PKHD1: variants seen among roughly 807,000 people sequenced by gnomAD.
The protein encoded by PKHD1 is fibrocystin.
PKHD1 carries 291 observed loss-of-function variants against 412.0 expected under a neutral mutation model. The ratio of observed to expected loss-of-function variants is 0.71; its 90% confidence interval spans 0.64 to 0.78. The LOEUF is 0.78. Ranked by LOEUF, PKHD1 falls within the 30% of genes least tolerant of loss-of-function variation. The probability of loss-of-function intolerance (pLI) is 0.00; values close to 1 mark genes in which losing one functional copy is unlikely to be tolerated. For missense variants in PKHD1, 4,825 were observed against 4,950.7 expected, an observed-to-expected ratio of 0.97 and a Z score of 0.76; for synonymous variants, 1,777 against 1,821.5, an observed-to-expected ratio of 0.98 and a Z score of 0.62.
chr6:51,642,590 G>A (rs1218998632), intron 63 of PKHD1, among the ~76,000 whole-genome samples: 2 of 151,986 alleles, frequency 1.3e-5, no homozygotes, highest in African/African-American at 2.4e-5. Context: ...CTGTAATCCC[G>A]ACACTTTGGG....
At chr6:51,661,635 A>G (rs1772889804) in intron 60 of PKHD1, among the ~76,000 whole-genome samples, 1 of 151,202 alleles carries the variant, frequency 6.6e-6, no homozygotes, top group Non-Finnish European at 1.5e-5. Flanking sequence ...TAAAACATTT[A>G]AAGGAACAGC....
chr6:51,620,691 T>A (rs1209787709), intron 66 of PKHD1, among the ~76,000 whole-genome samples: 1 of 151,312 alleles, frequency 6.6e-6, no homozygotes, highest in East Asian at 1.9e-4. Flanking sequence ...ATTCATACTA[T>A]AAGAGACAGT....
intron 37 of PKHD1, among the ~76,000 whole-genome samples, chr6:51,928,169 C>A (rs1289433885): frequency 6.6e-6 from 1 of 152,102 alleles, no homozygotes; most frequent in Non-Finnish European, 1.5e-5. Context: ...ATCCCAAGTG[C>A]CTCAAGTTGA....
intron 52 of PKHD1, among the ~76,000 whole-genome samples, chr6:51,796,726 T>C (rs934950551): frequency 6.6e-6 from 1 of 152,166 alleles, no homozygotes; most frequent in African/African-American, 2.4e-5. Context: ...CAAATAACTC[T>C]TTGATTTCTG....
At chr6:51,797,162 T>C (rs755386255) in intron 52 of PKHD1, among the ~76,000 whole-genome samples, 5 of 152,176 alleles carry the variant, frequency 3.3e-5, no homozygotes, top group Non-Finnish European at 7.4e-5. Flanking sequence ...TGCTGTGCTA[T>C]GAGAGACTGT....
intron 34 of PKHD1, among the ~76,000 whole-genome samples, chr6:52,015,793 C>T (rs1311543887): frequency 2.6e-5 from 4 of 151,378 alleles, no homozygotes; most frequent in Middle Eastern, 3.4e-3. Context: ...CACTGCACTC[C>T]AGCCTGGGCA....
rs376352534 is a variant in PKHD1, at chr6:51,982,855, AAAAATAAAAT to A, written c.5752-22839_5752-22830del. On this transcript the variant is annotated intron_variant, in intron 35 of 66. Transcript: ENST00000371117. ...ATAAAAAATAAAAAAATAAAAAAAT[AAAAATAAAAT>A]AAAATAAAATAAAATAAAATAAAAT... is the stretch of plus-strand genomic sequence containing the variant. Among the ~76,000 whole-genome samples, 925 of 126,020 alleles carry A rather than the reference AAAAATAAAAT, an allele frequency of 7.3e-3. 7 individuals carry two copies. The highest frequency in any genetic ancestry group is 0.02 in the South Asian group (76 of 3,782). 82.7% of individuals were successfully genotyped at this position (126,020 alleles called of 152,430 possible). A position where few individuals can be genotyped will look rare whatever the true frequency, so the allele number is the denominator to read the frequency against.
chr6:51,714,876 TAGTA>T (rs1340139285), intron 60 of PKHD1, among the ~76,000 whole-genome samples: 4 of 152,100 alleles, frequency 2.6e-5, no homozygotes, highest in South Asian at 4.1e-4. Flanking sequence ...ATCTGTTACA[TAGTA>T]AGTAAAGTTT....
At chr6:52,032,600 C>G (rs1803226725) in intron 29 of PKHD1, among the ~76,000 whole-genome samples, 1 of 152,294 alleles carries the variant, frequency 6.6e-6, no homozygotes, top group Non-Finnish European at 1.5e-5. Context: ...TATATACAAA[C>G]AGATGACCTG....
intron 48 of PKHD1, 71 bp downstream of exon 48, chr6:51,867,792 T>C (rs1775314250): frequency 1.4e-6 from 2 of 1,397,796 alleles, no homozygotes; most frequent in South Asian, 1.2e-5. Context: ...TTCCCTTCTA[T>C]AAGCCTCGAC....
At chr6:51,965,603 A>G (rs1196495669) in intron 35 of PKHD1, among the ~76,000 whole-genome samples, 2 of 152,004 alleles carry the variant, frequency 1.3e-5, no homozygotes, top group African/African-American at 4.8e-5. Context: ...TCATGATTAC[A>G]AGATAACATG....
Position 51,870,478 on chromosome 6 carries a change from T to A in PKHD1, c.7486+26A>T, listed in dbSNP as rs562046524. 7 of 1,586,922 alleles carry A rather than the reference T, an allele frequency of 4.4e-6. No homozygotes were observed. The South Asian group carries it at 4.4e-5, about 10-fold the overall frequency. On this transcript the variant is annotated intron_variant, in intron 47 of 66. Transcript: ENST00000371117. Reference sequence around the variant, plus strand: ...ACTTGAATATGGGCCTTATTTATCATCTGTTCTGTCTATTCAAATAATTAC... The same window carrying A: ...ACTTGAATATGGGCCTTATTTATCAACTGTTCTGTCTATTCAAATAATTAC...
chr6:51,637,968 C>T (rs1236357882), intron 64 of PKHD1, among the ~76,000 whole-genome samples: 1 of 152,092 alleles, frequency 6.6e-6, no homozygotes, highest in African/African-American at 2.4e-5. Flanking sequence ...ACAGATCTTA[C>T]CAGTGTCATA....
At chr6:51,836,599 T>A in intron 50 of PKHD1, 130 bp from the exon 51 acceptor site, 1 of 700,558 alleles carries the variant, frequency 1.4e-6, no homozygotes, top group East Asian at 2.7e-5. Context: ...AAAAATGAAA[T>A]CCTTGTTAGT....
At chr6:51,861,937 G>A (rs1774262139) in intron 48 of PKHD1, among the ~76,000 whole-genome samples, 2 of 152,170 alleles carry the variant, frequency 1.3e-5, no homozygotes, top group East Asian at 1.9e-4. Context: ...GATCTGCTGA[G>A]TCCAATTGGA....
chr6:51,709,793 A>G (rs1780430930), intron 60 of PKHD1, among the ~76,000 whole-genome samples: 1 of 151,994 alleles, frequency 6.6e-6, no homozygotes, highest in Non-Finnish European at 1.5e-5. Flanking sequence ...AATTACATTT[A>G]ATGAATAAAT....
In PKHD1 at chr6:51,618,477, G is replaced by T. The variant is rs41273720; in HGVS notation, c.*604C>A. Reference sequence around the variant, plus strand: ...TCCTCATGAAGTGCAAATTTGATACGCTCACACTACTGTAGGTTCTCAATA... The same window carrying T: ...TCCTCATGAAGTGCAAATTTGATACTCTCACACTACTGTAGGTTCTCAATA... On this transcript the variant is annotated 3_prime_UTR_variant, in exon 67 of 67. Coordinates refer to ENST00000371117, the MANE Select transcript of PKHD1 (RefSeq NM_138694.4). 0.012 allele frequency: 1,861 copies of T among 156,250 alleles called. 16 individuals are homozygous for T. The highest frequency in any genetic ancestry group is 0.018 in the Non-Finnish European group (1,249 of 70,400). The allele number at this position is 156,250 out of a possible 1,614,324, so 9.7% of individuals were successfully genotyped here.
At chr6:51,885,560 G>T (rs1210557254) in intron 45 of PKHD1, among the ~76,000 whole-genome samples, 1 of 152,090 alleles carries the variant, frequency 6.6e-6, no homozygotes, top group African/African-American at 2.4e-5. Flanking sequence ...GAAGGAATAG[G>T]GAACCTCTGT....
At position 51,618,986 on chromosome 6, in the gene PKHD1, T is replaced by A. The variant is rs1766274658; in HGVS notation, c.*95A>T. The A allele has an allele frequency of 9.0e-7, 1 of 1,115,744 alleles. No individual in the cohort carries two copies. The highest frequency in any genetic ancestry group is 1.4e-6 in the Non-Finnish European group (1 of 729,758). 69.1% of individuals were successfully genotyped at this position (1,115,744 alleles called of 1,614,324 possible). ...CAGAGTCCACATTCTCTCTTCTTAG[T>A]TGTCCCAGCAGGACAGTCCTCACTT... On this transcript the variant is annotated 3_prime_UTR_variant, in exon 67 of 67. Coordinates refer to ENST00000371117, the MANE Select transcript of PKHD1 (RefSeq NM_138694.4).
Sources: allele counts gnomAD v4.1 joint callset (sites outside exome capture counted in the v4.1 genomes callset), GRCh38; gene constraint gnomAD v4.1.1; transcripts MANE v1.5; gene names NCBI Gene and HGNC (gene_info 2026-07-23, HGNC 2026-07-21).